The following TBC1D32 variants were observed in gnomAD, a reference collection of about 807,000 sequenced individuals.
TBC1D32 encodes the protein TBC1 domain family member 32.
In TBC1D32, 151 loss-of-function variants were observed where a neutral mutation model predicts 170.3. That is an observed-to-expected ratio of 0.89 (90% CI 0.78 to 1.01). TBC1D32 has a LOEUF of 1.01. Ranked by LOEUF, TBC1D32 falls within the 50% of genes least tolerant of loss-of-function variation. TBC1D32 has a pLI of 0.00. For missense variants in TBC1D32, 1,464 were observed against 1,457.1 expected (o/e 1.00, Z -0.08); for synonymous variants, 498 against 488.0 (o/e 1.02, Z -0.27).
chr6:121,251,913 A>G (rs1337165879), intron 17 of TBC1D32, among the ~76,000 whole-genome samples: 1 of 152,180 alleles, frequency 6.6e-6, no homozygotes, highest in Non-Finnish European at 1.5e-5. Flanking sequence ...CACTTCTGAA[A>G]AGAAGACAGC....
At chr6:121,130,481 C>A (rs1452540224) in intron 25 of TBC1D32, among the ~76,000 whole-genome samples, 1 of 152,012 alleles carries the variant, frequency 6.6e-6, no homozygotes, top group Non-Finnish European at 1.5e-5. Flanking sequence ...GACTCTGTCT[C>A]AAAAACTAAA....
chr6:121,321,368 A>C lies in TBC1D32; in HGVS notation c.317+265T>G, dbSNP rs1422705456. Among the ~76,000 whole-genome samples the C allele has an allele frequency of 2.6e-5, 4 of 152,174 alleles. No homozygotes were observed. The East Asian group carries it at 7.7e-4, about 29-fold the overall frequency. Reference sequence around the variant, plus strand: ...AGTGGCTAGAGCAGTATGAGGGAGAAAATGATAAGAAATGGGGTAGGAGAG... The same window carrying C: ...AGTGGCTAGAGCAGTATGAGGGAGACAATGATAAGAAATGGGGTAGGAGAG... On this transcript the variant is annotated intron_variant, in intron 2 of 31. Transcript: ENST00000398212.
At chr6:121,280,667 T>C (rs1239072542) in intron 14 of TBC1D32, among the ~76,000 whole-genome samples, 2 of 151,730 alleles carry the variant, frequency 1.3e-5, no homozygotes, top group Non-Finnish European at 3.0e-5. Flanking sequence ...CAAGGAGATA[T>C]AATAACCTTA....
chr6:121,281,528 A>C lies in TBC1D32; in HGVS notation c.1608+16T>G. ...CAGGTAAGAGACTCTTTTTCTCCTTAGTAAATAATACGAACCTCATTTCCT... is the reference window on the plus strand; with the variant it reads ...CAGGTAAGAGACTCTTTTTCTCCTTCGTAAATAATACGAACCTCATTTCCT... On this transcript the variant is annotated intron_variant, in intron 14 of 31. Transcript: ENST00000398212. The C allele has an allele frequency of 6.3e-7, 1 of 1,596,198 alleles. No homozygotes were observed. Among genetic ancestry groups the C allele is most frequent in the South Asian group, 1.1e-5 (1 of 88,068 alleles).
chr6:121,173,706 T>C (rs1787376147), intron 22 of TBC1D32, among the ~76,000 whole-genome samples: 1 of 151,834 alleles, frequency 6.6e-6, no homozygotes, highest in Non-Finnish European at 1.5e-5. Flanking sequence ...TATCAAGATA[T>C]ATGGGGGGTA....
At chr6:121,262,479 C>CT (rs60601929) in intron 15 of TBC1D32, among the ~76,000 whole-genome samples, 6,498 of 143,380 alleles carry the variant, frequency 0.045, 357 homozygotes, top group East Asian at 0.15. Flanking sequence ...ATATTAAATA[C>CT]TTTTTTTTTT....
intron 19 of TBC1D32, among the ~76,000 whole-genome samples, chr6:121,241,058 A>G (rs1486920347): frequency 1.3e-5 from 2 of 152,180 alleles, no homozygotes; most frequent in Non-Finnish European, 2.9e-5. Context: ...AATGTTATGT[A>G]AATGAGTGTA....
intron 30 of TBC1D32, among the ~76,000 whole-genome samples, chr6:121,099,615 G>A (rs889677666): frequency 6.6e-6 from 1 of 151,794 alleles, no homozygotes. Flanking sequence ...TATGAAATTT[G>A]TATCCAAATA....
At chr6:121,107,614 C>T (rs1778820353) in intron 29 of TBC1D32, among the ~76,000 whole-genome samples, 1 of 151,824 alleles carries the variant, frequency 6.6e-6, no homozygotes, top group Non-Finnish European at 1.5e-5. Context: ...GATTTATCTT[C>T]TTTTGTGAAA....
intron 15 of TBC1D32, among the ~76,000 whole-genome samples, chr6:121,265,359 T>G (rs1475222324): frequency 6.6e-6 from 1 of 152,134 alleles, no homozygotes; most frequent in Non-Finnish European, 1.5e-5. Context: ...ACAAGGGACG[T>G]GAAGGAACTC....
At chr6:121,137,802 G>A (rs374776761) in intron 24 of TBC1D32, among the ~76,000 whole-genome samples, 28 of 149,578 alleles carry the variant, frequency 1.9e-4, no homozygotes, top group African/African-American at 6.1e-4. Flanking sequence ...CAGTAAGGTC[G>A]ACATAAATAT....
At chr6:121,279,539 G>A (rs1802706153) in intron 14 of TBC1D32, among the ~76,000 whole-genome samples, 1 of 151,856 alleles carries the variant, frequency 6.6e-6, no homozygotes, top group Non-Finnish European at 1.5e-5. Context: ...GGCAAATGTA[G>A]TAGCTCTTGT....
Position 121,310,805 on chromosome 6 carries a change from G to T in TBC1D32, c.538C>A (p.Gln180Lys). The T allele has an allele frequency of 1.3e-6, 2 of 1,574,864 alleles. No homozygotes were observed. The highest frequency in any genetic ancestry group is 1.7e-6 in the Non-Finnish European group (2 of 1,155,876). Residue 180 changes from glutamine to lysine, a missense_variant, in exon 4 of 32, where the codon CAG becomes AAG. Transcript: ENST00000398212. ...TCTTTAGGTTGCCCAGGATCCAACT[G>T]GTCTAAAATCAATTGTAATTTTCCT... ...CQGKLQLILD[Q>K]LDPGQPKEVR...
chr6:121,292,884 C>A (rs977587355), intron 11 of TBC1D32, among the ~76,000 whole-genome samples: 14 of 152,072 alleles, frequency 9.2e-5, no homozygotes, highest in African/African-American at 3.4e-4. Flanking sequence ...GAAGGTTCGA[C>A]GAGACTGACA....
chr6:121,334,525 A>T, upstream of TBC1D32: 1 of 1,432,290 alleles, frequency 7.0e-7, no homozygotes. Context: ...AGCCCCGGCT[A>T]CGTGCGGCGT....
intron 29 of TBC1D32, among the ~76,000 whole-genome samples, chr6:121,107,807 G>C (rs184417721): frequency 6.6e-4 from 100 of 152,110 alleles, no homozygotes; most frequent in African/African-American, 2.4e-3. Flanking sequence ...TTCATATGCA[G>C]TGTCTTTTCT....
chr6:121,199,654 T>C (rs1307713260), intron 22 of TBC1D32, among the ~76,000 whole-genome samples: 2 of 151,410 alleles, frequency 1.3e-5, no homozygotes, highest in East Asian at 1.9e-4. Context: ...TATGTATACA[T>C]GTGTATATAA....
intron 12 of TBC1D32, among the ~76,000 whole-genome samples, chr6:121,287,264 C>T (rs1287331299): frequency 1.3e-5 from 2 of 152,018 alleles, no homozygotes; most frequent in African/African-American, 2.4e-5. Context: ...ACCCACCTAA[C>T]GTACAGAGAA....
intron 12 of TBC1D32, among the ~76,000 whole-genome samples, chr6:121,287,772 T>A (rs1583578964): frequency 6.6e-6 from 1 of 152,146 alleles, no homozygotes; most frequent in South Asian, 2.1e-4. Flanking sequence ...CTTCAGCAAA[T>A]GTAAAAGAAC....
Sources: gnomAD v4.1 joint callset for allele counts (sites outside exome capture counted in the v4.1 genomes callset) on GRCh38, gnomAD v4.1.1 for gene constraint, MANE v1.5 for transcripts, NCBI Gene and HGNC (gene_info 2026-07-23, HGNC 2026-07-21) for gene names.